The following BRD3 variants were observed in gnomAD, a reference collection of about 807,000 sequenced individuals.
BRD3 encodes the protein bromodomain-containing protein 3.
In BRD3, 17 loss-of-function variants were observed where a neutral mutation model predicts 66.8. The observed-to-expected ratio is 0.25, with a 90% confidence interval of 0.17 to 0.38. The LOEUF is 0.38. Ranked by LOEUF, BRD3 falls within the 10% of genes least tolerant of loss-of-function variation. The probability of loss-of-function intolerance (pLI) is 1.00; values close to 1 mark genes in which losing one functional copy is unlikely to be tolerated. For missense variants in BRD3, 713 were observed against 956.1 expected (o/e 0.75, Z 3.35); for synonymous variants, 421 against 393.2 (o/e 1.07, Z -0.84).
At chr9:134,040,685 G>T (rs1830025483) in intron 8 of BRD3, among the ~76,000 whole-genome samples, 2 of 152,186 alleles carry the variant, frequency 1.3e-5, no homozygotes, top group African/African-American at 4.8e-5. Context: ...TACATTAGGT[G>T]GGCAGCTAAC....
intron 1 of BRD3, among the ~76,000 whole-genome samples, chr9:134,059,493 A>G (rs1399976201): frequency 6.6e-6 from 1 of 152,014 alleles, no homozygotes; most frequent in Admixed American, 6.6e-5. Context: ...TCTAGACACG[A>G]GACACACAAA....
At chr9:134,068,131 G>A (rs1477292380), upstream of BRD3, 94 of 143,246 alleles carry the variant, frequency 6.6e-4, no homozygotes, top group African/African-American at 1.9e-3. Flanking sequence ...GGAGGCCGCG[G>A]GCGCGCGGAC....
In BRD3 at chr9:134,045,490, G is replaced by A. The variant is rs578203271; in HGVS notation, c.1087-69C>T. The A allele has an allele frequency of 1.1e-3, 1,819 of 1,599,044 alleles. 1 individual carries two copies. Among genetic ancestry groups the A allele is most frequent in the East Asian group, 2.2e-3 (96 of 44,618 alleles). On this transcript the variant is annotated intron_variant, in intron 6 of 11. Transcript: ENST00000303407. This position sits in a 1 kb window ranked among gnomAD's most constrained non-coding sequence, Gnocchi z 4.8. The stretch of plus-strand genomic sequence containing the variant: ...ATCAGGACTCTCTGCCACACCCCAC[G>A]AGATGAACTCTGGAGCCTCAGGAGC...
intron 6 of BRD3, among the ~76,000 whole-genome samples, chr9:134,046,785 T>C (rs1006322017): frequency 2.1e-4 from 32 of 152,266 alleles, no homozygotes; most frequent in African/African-American, 3.8e-4. Flanking sequence ...CCAGGACAGA[T>C]AGAGGTGGGA....
At chr9:134,042,192 C>T (rs1249150854) in intron 7 of BRD3, among the ~76,000 whole-genome samples, 1 of 152,182 alleles carries the variant, frequency 6.6e-6, no homozygotes, top group Non-Finnish European at 1.5e-5. Flanking sequence ...GGAGCTGGCC[C>T]ACAGCTCCCT....
At chr9:134,039,977 GC>G in intron 9 of BRD3, 56 bp downstream of exon 9, 1 of 1,531,054 alleles carries the variant, frequency 6.5e-7, no homozygotes, top group South Asian at 1.2e-5. Context: ...TGCTACATGA[GC>G]CCCCATGGCG....
Position 134,045,449 on chromosome 9 carries a change from G to T in BRD3, c.1087-28C>A. On this transcript the variant is annotated intron_variant, in intron 6 of 11. Transcript: ENST00000303407. This position sits in a 1 kb window ranked among gnomAD's most constrained non-coding sequence, Gnocchi z 4.8. The stretch of plus-strand genomic sequence containing the variant: ...GCAACACACAGTGACAGGGGCCAGT[G>T]AGCGTGGCCCGTGGCATCAGGACTC... 6.2e-7 allele frequency: 1 copy of T among 1,612,764 alleles called. No individual in the cohort carries two copies. The highest frequency in any genetic ancestry group is 1.1e-5 in the South Asian group (1 of 91,064).
chr9:134,063,294 C>T (rs1298975149), intron 1 of BRD3, among the ~76,000 whole-genome samples: 4 of 152,068 alleles, frequency 2.6e-5, no homozygotes, highest in Non-Finnish European at 4.4e-5. Context: ...CCACAGCCCA[C>T]GGAGCCACCG....
chr9:134,046,939 T>C (rs1830183771), intron 6 of BRD3, among the ~76,000 whole-genome samples: 1 of 152,212 alleles, frequency 6.6e-6, no homozygotes, highest in South Asian at 2.1e-4. Context: ...GAACCCCCCA[T>C]GATGTTCCAG....
intron 9 of BRD3, among the ~76,000 whole-genome samples, chr9:134,039,515 T>C (rs1829994452): frequency 6.6e-6 from 1 of 152,172 alleles, no homozygotes; most frequent in Non-Finnish European, 1.5e-5. Context: ...GAAGCCTCCC[T>C]TCCACCTGGC....
At position 134,032,315 on chromosome 9, in the gene BRD3, A is replaced by G. The variant is rs932422555; in HGVS notation, c.*1275T>C. 9.0e-6 allele frequency: 2 copies of G among 221,124 alleles called. No homozygotes were observed. The highest frequency in any genetic ancestry group is 1.8e-4 in the South Asian group (1 of 5,438). 13.7% of individuals were successfully genotyped at this position (221,124 alleles called of 1,614,324 possible). ...ATATTATATAACTGGGGTTCCCTAAATTGATTTCTTTTAAAACAGTCTTAA... is the reference window on the plus strand; with the variant it reads ...ATATTATATAACTGGGGTTCCCTAAGTTGATTTCTTTTAAAACAGTCTTAA... On this transcript the variant is annotated 3_prime_UTR_variant, in exon 12 of 12. Coordinates refer to ENST00000303407, the MANE Select transcript of BRD3 (RefSeq NM_007371.4).
Position 134,053,338 on chromosome 9 carries a change from A to G in BRD3, c.140T>C (p.Val47Ala). ...NQLQYMQNVV[V>A]KTLWKHQFAW... ...GAACTGGTGTTTCCAGAGCGTCTTC[A>G]CCACCACATTCTGCATGTACTGCAG... The change falls in exon 2 of 12, where the codon GTG (valine) becomes GCG (alanine). Residue 47 changes from valine to alanine, a missense_variant. By Grantham distance (64) the Val-to-Ala change is moderately conservative. Around this residue, in one of 5 missense-constraint regions of BRD3, gnomAD observed 85 missense variants for 152.4 expected, o/e 0.56. Transcript: ENST00000303407. The G allele has an allele frequency of 6.3e-7, 1 of 1,594,510 alleles. No homozygotes were observed. The highest frequency in any genetic ancestry group is 8.5e-7 in the Non-Finnish European group (1 of 1,170,238).
At chr9:134,051,851 G>GTT in intron 3 of BRD3, 142 bp from the exon 4 acceptor site, 1 of 515,828 alleles carries the variant, frequency 1.9e-6, no homozygotes, top group Non-Finnish European at 3.0e-6. Context: ...GAATATATGT[G>GTT]TGTGTGTGTG....
rs140922762 is a variant in BRD3 at position 134,045,151 on chromosome 9, C to T, written c.1215+142G>A. ...GAGCCTGACAGGGACCTGGTTGGCACTCGGGAAAAAGGTGTTGAGGGAATG... is the reference window on the plus strand; with the variant it reads ...GAGCCTGACAGGGACCTGGTTGGCATTCGGGAAAAAGGTGTTGAGGGAATG... On this transcript the variant is annotated intron_variant, in intron 7 of 11. Transcript: ENST00000303407. This position sits in a 1 kb window ranked among gnomAD's most constrained non-coding sequence, Gnocchi z 4.8. The T allele has an allele frequency of 1.6e-4, 198 of 1,244,890 alleles. No homozygotes were observed. Among genetic ancestry groups the T allele is most frequent in the Non-Finnish European group, 2.0e-4 (183 of 919,932 alleles). 77.1% of individuals were successfully genotyped at this position (1,244,890 alleles called of 1,614,324 possible). A position where few individuals can be genotyped will look rare whatever the true frequency, so the allele number is the denominator to read the frequency against.
At chr9:134,060,324 C>T (rs1364080828) in intron 1 of BRD3, among the ~76,000 whole-genome samples, 1 of 152,224 alleles carries the variant, frequency 6.6e-6, no homozygotes, top group Non-Finnish European at 1.5e-5. Flanking sequence ...AGGCCATGCG[C>T]AGTGACTCAG....
intron 5 of BRD3, among the ~76,000 whole-genome samples, chr9:134,048,906 G>A (rs562380007): frequency 2.0e-5 from 3 of 152,328 alleles, no homozygotes; most frequent in Non-Finnish European, 2.9e-5. Flanking sequence ...GCCTGAGAGC[G>A]GGGGCTCCGC....
At chr9:134,050,791 C>G (rs1830276280) in intron 4 of BRD3, among the ~76,000 whole-genome samples, 1 of 152,106 alleles carries the variant, frequency 6.6e-6, no homozygotes, top group African/African-American at 2.4e-5. Flanking sequence ...TGAGGGCTCC[C>G]TGCATGAAGT....
intron 1 of BRD3, among the ~76,000 whole-genome samples, chr9:134,059,879 C>G (rs1830501309): frequency 6.6e-6 from 1 of 152,218 alleles, no homozygotes; most frequent in South Asian, 2.1e-4. Flanking sequence ...CAGCCTTGTC[C>G]TCAGCAAACG....
intron 11 of BRD3, 170 bp downstream of exon 11, chr9:134,034,531 G>A: frequency 2.1e-6 from 2 of 966,654 alleles, no homozygotes; most frequent in Non-Finnish European, 3.0e-6. Context: ...ATGACCCCCA[G>A]TGACAGACCA....
Sources: allele counts gnomAD v4.1 joint callset (sites outside exome capture counted in the v4.1 genomes callset), GRCh38; gene constraint gnomAD v4.1.1; regional missense constraint gnomAD v4.1.1; non-coding constraint Gnocchi (gnomAD v3.1); transcripts MANE v1.5; gene names NCBI Gene and HGNC (gene_info 2026-07-23, HGNC 2026-07-21).